CLDN6: variants seen among roughly 807,000 people sequenced by gnomAD.
The protein encoded by CLDN6 is claudin 6.
For missense variants in CLDN6, 279 were observed against 284.1 expected, an observed-to-expected ratio of 0.98 and a Z score of 0.13; for synonymous variants, 144 against 131.2, an observed-to-expected ratio of 1.10 and a Z score of -0.67.
chr16:3,018,118 T>A (rs1461772400), intron 1 of CLDN6, 31 bp downstream of exon 1: 1 of 152,216 alleles, frequency 6.6e-6, no homozygotes, highest in Non-Finnish European at 1.5e-5. Context: ...AAGAGGCGTC[T>A]CTCCAACACG....
chr16:3,017,696 C>G (rs979694965), intron 1 of CLDN6, among the ~76,000 whole-genome samples: 4 of 152,052 alleles, frequency 2.6e-5, no homozygotes, highest in Non-Finnish European at 5.9e-5. Context: ...GCCCAGGCCT[C>G]TCCCCTCTGA....
Position 3,015,963 on chromosome 16 carries a change from T to C in CLDN6, c.59A>G (p.Asn20Ser), listed in dbSNP as rs1181849520. 6.2e-7 allele frequency: 1 copy of C among 1,614,178 alleles called. No homozygotes were observed. The highest frequency in any genetic ancestry group is 8.5e-7 in the Non-Finnish European group (1 of 1,180,038). ...GVVLTLLGWV[N>S]GLVSCALPMW... is the part of the protein sequence containing the mutation. ...GGGCAGGGCACAGGAGACCAGGCCA[T>C]TCACCCAGCCCAGCAGTGTCAGGAC... Residue 20 changes from asparagine (N) to serine (S), a missense_variant, in exon 2 of 2, where the codon AAT becomes AGT. Coordinates refer to ENST00000328796, the MANE Select transcript of CLDN6 (RefSeq NM_021195.5).
At chr16:3,017,654 C>T (rs2072576173) in intron 1 of CLDN6, among the ~76,000 whole-genome samples, 1 of 152,022 alleles carries the variant, frequency 6.6e-6, no homozygotes. Context: ...GGCCTCTGGC[C>T]GAGTTAGGGT....
intron 1 of CLDN6, among the ~76,000 whole-genome samples, chr16:3,017,066 G>C (rs1400216738): frequency 6.6e-6 from 1 of 152,168 alleles, no homozygotes; most frequent in African/African-American, 2.4e-5. Context: ...GATTACAGGT[G>C]TGAGCCACCG....
chr16:3,016,148 C>T (rs1340299820), intron 1 of CLDN6, 106 bp from the exon 2 acceptor site: 8 of 1,013,704 alleles, frequency 7.9e-6, no homozygotes, highest in Non-Finnish European at 9.9e-6. Context: ...GTGGTCATCA[C>T]ATCCTGGAAC....
rs1188230410 is a variant in CLDN6, at chr16:3,015,705, G to A, written c.317C>T (p.Thr106Ile). 4 of 1,613,836 alleles carry A rather than the reference G, an allele frequency of 2.5e-6. No individual in the cohort carries two copies. The highest frequency in any genetic ancestry group is 3.4e-6 in the Non-Finnish European group (4 of 1,180,048). The change falls in exon 2 of 2, where the codon ACC becomes ATC. Residue 106 changes from threonine to isoleucine, a missense_variant. Transcript: ENST00000328796. ...CTTGGAATCCTTCTCCTCCACACAG[G>A]TGGTACACTTGGCCCCAGCAAGGTA... ...LVYLAGAKCTTCVEEKDSKAR... is the reference protein window; with the variant it reads ...LVYLAGAKCTICVEEKDSKAR...
At chr16:3,017,963 C>G (rs1177659381) in intron 1 of CLDN6, among the ~76,000 whole-genome samples, 186 bp downstream of exon 1, 4 of 151,566 alleles carry the variant, frequency 2.6e-5, no homozygotes, top group Admixed American at 2.6e-4. Flanking sequence ...GGGCGTTTAA[C>G]CCTTGGGAGC....
In CLDN6 at chr16:3,016,047, G is replaced by A. The variant is rs2151124915; in HGVS notation, c.-21-5C>T. ...GGCGAGGTTGAAGGAGCTGCACTGT[G>A]TTTGGGACAGAAGCACAACAAGGTG... On this transcript the variant is annotated splice_region_variant and splice_polypyrimidine_tract_variant and intron_variant, in intron 1 of 1. Transcript: ENST00000328796. 1 of 1,600,160 alleles carries A rather than the reference G, an allele frequency of 6.2e-7. No individual in the cohort carries two copies. Among genetic ancestry groups the A allele is most frequent in the Non-Finnish European group, 8.5e-7 (1 of 1,171,484 alleles).
In CLDN6 at chr16:3,015,423, T is replaced by C; in HGVS notation, c.599A>G (p.Tyr200Cys). Residue 200 changes from tyrosine to cysteine, a missense_variant, in exon 2 of 2, where the codon TAC (tyrosine) becomes TGC (cysteine). Coordinates refer to ENST00000328796, the MANE Select transcript of CLDN6 (RefSeq NM_021195.5). The stretch of plus-strand genomic sequence containing the variant: ...AGAGATGGCAGGGGCAGATGTTGAG[T>C]AGCGGGCCATGTAATGGCTGGGGCC... ...SQGPSHYMARYSTSAPAISRG... is the reference protein window; with the variant it reads ...SQGPSHYMARCSTSAPAISRG... 2 of 1,543,224 alleles carry C rather than the reference T, an allele frequency of 1.3e-6. No individual in the cohort carries two copies. The highest frequency in any genetic ancestry group is 1.7e-6 in the Non-Finnish European group (2 of 1,146,296).
In CLDN6 at chr16:3,015,697, C is replaced by T. The variant is rs1178755380; in HGVS notation, c.325G>A (p.Glu109Lys). ...AGGCGGGCCTTGGAATCCTTCTCCT[C>T]CACACAGGTGGTACACTTGGCCCCA... ...LAGAKCTTCV[E>K]EKDSKARLVL... is the part of the protein sequence containing the mutation. Residue 109 changes from glutamate (E) to lysine (K), a missense_variant, in exon 2 of 2, where the codon GAG becomes AAG. Coordinates refer to ENST00000328796, the MANE Select transcript of CLDN6 (RefSeq NM_021195.5). 14 of 1,613,808 alleles carry T rather than the reference C, an allele frequency of 8.7e-6. No homozygotes were observed. The highest frequency in any genetic ancestry group is 1.2e-5 in the Non-Finnish European group (14 of 1,180,044).
At chr16:3,016,377 G>A (rs899374959) in intron 1 of CLDN6, among the ~76,000 whole-genome samples, 8 of 152,214 alleles carry the variant, frequency 5.3e-5, no homozygotes, top group Admixed American at 4.6e-4. Context: ...CAGGCTGCAA[G>A]GCGGCAAAAA....
chr16:3,017,605 G>T (rs886935339), intron 1 of CLDN6, among the ~76,000 whole-genome samples: 2 of 152,088 alleles, frequency 1.3e-5, no homozygotes, highest in African/African-American at 4.8e-5. Context: ...GGGGAGACTG[G>T]CTGGGGCACG....
intron 1 of CLDN6, among the ~76,000 whole-genome samples, chr16:3,017,246 C>G (rs555994254): frequency 2.0e-5 from 3 of 152,326 alleles, no homozygotes; most frequent in Middle Eastern, 3.4e-3. Flanking sequence ...AGTTCCTCCC[C>G]CAAAGCCAGT....
rs1255527666 is a variant in CLDN6 at position 3,015,861 on chromosome 16, C to T, written c.161G>A (p.Cys54Tyr). ...QVVWEGLWMS[C>Y]VVQSTGQMQC... ...CATCTGGCCGGTGCTCTGCACCACG[C>T]AGGACATCCACAGGCCCTCCCACAC... The change falls in exon 2 of 2, where the codon TGC (cysteine) becomes TAC (tyrosine). Residue 54 changes from cysteine to tyrosine, a missense_variant. Coordinates refer to ENST00000328796, the MANE Select transcript of CLDN6 (RefSeq NM_021195.5). The T allele has an allele frequency of 6.2e-7, 1 of 1,614,122 alleles. No individual in the cohort carries two copies. Among genetic ancestry groups the T allele is most frequent in the Non-Finnish European group, 8.5e-7 (1 of 1,180,052 alleles).
In CLDN6 at chr16:3,015,776, G is replaced by A. The variant is rs757110219; in HGVS notation, c.246C>T (p.Ala82=). Residue 82 remains alanine, a synonymous_variant, in exon 2 of 2, where the codon GCC becomes GCT. Transcript: ENST00000328796. ...ALPQDLQAAR[A]LCVIALLVAL... Reference sequence around the variant, plus strand: ...CCACAAGGAGGGCGATGACACAGAGGGCACGTGCAGCCTGCAGGTCCTGTG... The same window carrying A: ...CCACAAGGAGGGCGATGACACAGAGAGCACGTGCAGCCTGCAGGTCCTGTG... The A allele has an allele frequency of 5.0e-6, 8 of 1,614,118 alleles. No homozygotes were observed. The South Asian group carries it at 6.6e-5, about 13-fold the overall frequency.
Position 3,015,456 on chromosome 16 carries a change from C to G in CLDN6, c.566G>C (p.Gly189Ala). ...GLLCCTCPSG[G>A]SQGPSHYMAR... ...CATGTAATGGCTGGGGCCCTGGGACCCCCCCGAGGGGCAAGTGCAGCACAG... is the reference window on the plus strand; with the variant it reads ...CATGTAATGGCTGGGGCCCTGGGACGCCCCCGAGGGGCAAGTGCAGCACAG... The change falls in exon 2 of 2, where the codon GGG (glycine) becomes GCG (alanine). Residue 189 changes from glycine (G) to alanine (A), a missense_variant. Transcript: ENST00000328796. 2.5e-6 allele frequency: 4 copies of G among 1,577,050 alleles called. No individual in the cohort carries two copies. The highest frequency in any genetic ancestry group is 2.3e-5 in the South Asian group (2 of 86,080).
At chr16:3,016,094 C>G in intron 1 of CLDN6, 52 bp from the exon 2 acceptor site, 2 of 1,516,646 alleles carry the variant, frequency 1.3e-6, no homozygotes. Flanking sequence ...GCCCAGACCT[C>G]AGGCCACATG....
chr16:3,016,808 C>T (rs143151071), intron 1 of CLDN6, among the ~76,000 whole-genome samples: 18 of 152,162 alleles, frequency 1.2e-4, no homozygotes, highest in African/African-American at 3.1e-4. Context: ...CCACCACGCC[C>T]GGCTAATTTT....
Position 3,015,549 on chromosome 16 carries a change from C to A in CLDN6, c.473G>T (p.Arg158Leu). The A allele has an allele frequency of 6.2e-7, 1 of 1,613,030 alleles. No individual in the cohort carries two copies. Among genetic ancestry groups the A allele is most frequent in the Non-Finnish European group, 8.5e-7 (1 of 1,179,952 alleles). ...YNPLVAEAQK[R>L]ELGASLYLGW... Reference sequence around the variant, plus strand: ...CAAGTAGAGGGAGGCCCCCAGCTCCCGCTTTTGGGCCTCAGCCACCAGGGG... The same window carrying A: ...CAAGTAGAGGGAGGCCCCCAGCTCCAGCTTTTGGGCCTCAGCCACCAGGGG... Residue 158 changes from arginine to leucine, a missense_variant, in exon 2 of 2, where the codon CGG (arginine) becomes CTG (leucine). Transcript: ENST00000328796.
Sources: allele counts gnomAD v4.1 joint callset (sites outside exome capture counted in the v4.1 genomes callset), GRCh38; gene constraint gnomAD v4.1.1; transcripts MANE v1.5; gene names NCBI Gene and HGNC (gene_info 2026-07-23, HGNC 2026-07-21).